Variants in ADAMTSL1 observed in about 807,000 individuals in gnomAD.
The protein encoded by ADAMTSL1 is ADAMTS-like protein 1.
ADAMTSL1 carries 126 observed loss-of-function variants against 201.8 expected under a neutral mutation model. The ratio of observed to expected loss-of-function variants is 0.62; its 90% CI spans 0.54 to 0.72. ADAMTSL1 has a LOEUF of 0.72. Ranked by LOEUF, ADAMTSL1 falls within the 30% of genes least tolerant of loss-of-function variation. The pLI is 0.00. For synonymous variants in ADAMTSL1, 1,121 were observed against 903.4 expected (o/e 1.24, Z -4.32); for missense variants, 2,679 against 2,277.8 (o/e 1.18, Z -3.59).
intron 26 of ADAMTSL1, among the ~76,000 whole-genome samples, chr9:18,897,569 G>A (rs546730824): frequency 2.6e-4 from 39 of 152,192 alleles, no homozygotes; most frequent in Non-Finnish European, 4.4e-4. Flanking sequence ...ATCCAGGTAA[G>A]GGGAAAACCT....
intron 26 of ADAMTSL1, among the ~76,000 whole-genome samples, chr9:18,904,159 T>C (rs1563906810): frequency 6.6e-6 from 1 of 152,100 alleles, no homozygotes. Context: ...GTATGCACAC[T>C]GTACTGCACA....
chr9:18,689,647 G>A (rs1831093277), intron 13 of ADAMTSL1, among the ~76,000 whole-genome samples: 1 of 152,216 alleles, frequency 6.6e-6, no homozygotes, highest in South Asian at 2.1e-4. Context: ...AGGGAAGCCA[G>A]GTTCTTCCAG....
intron 21 of ADAMTSL1, among the ~76,000 whole-genome samples, chr9:18,822,113 C>G (rs886913439): frequency 6.6e-6 from 1 of 152,052 alleles, no homozygotes; most frequent in Non-Finnish European, 1.5e-5. Flanking sequence ...ACAAATAATA[C>G]CAGGGAGGTT....
chr9:18,170,988 G>A (rs1020885254), intron 2 of ADAMTSL1, among the ~76,000 whole-genome samples: 1 of 152,084 alleles, frequency 6.6e-6, no homozygotes, highest in Non-Finnish European at 1.5e-5. Flanking sequence ...AATAAATGGA[G>A]AGATATAAAA....
At chr9:18,489,864 C>A (rs1034713388) in intron 1 of ADAMTSL1, among the ~76,000 whole-genome samples, 2 of 152,298 alleles carry the variant, frequency 1.3e-5, no homozygotes, top group East Asian at 3.9e-4. Context: ...ATGATGGTAA[C>A]CTGGCTTTGT....
In ADAMTSL1 at chr9:18,355,767, G is replaced by A. The variant is rs58028330; in HGVS notation, c.208-149062G>A. On this transcript the variant is annotated intron_variant, in intron 2 of 29. Transcript: ENST00000680146. ...CACATCTCTAATCCTAGCACTTTGG[G>A]AGGCCAAGGTGGGAGGACTGCTTGA... Among the ~76,000 whole-genome samples the A allele has an allele frequency of 7.9e-3, 1,198 of 152,272 alleles. 18 individuals are homozygous for A. The highest frequency in any genetic ancestry group is 0.027 in the African/African-American group (1,118 of 41,540).
chr9:18,738,785 T>A (rs996658530), intron 15 of ADAMTSL1, among the ~76,000 whole-genome samples: 1 of 152,172 alleles, frequency 6.6e-6, no homozygotes, highest in Non-Finnish European at 1.5e-5. Flanking sequence ...TACTCTAACT[T>A]GGGTATAGCA....
intron 1 of ADAMTSL1, among the ~76,000 whole-genome samples, chr9:17,939,268 A>G (rs1054955016): frequency 5.4e-5 from 8 of 146,850 alleles, no homozygotes; most frequent in Non-Finnish European, 1.5e-5. Context: ...GTGTTACCTA[A>G]CCTTGCAAAG....
intron 1 of ADAMTSL1, among the ~76,000 whole-genome samples, chr9:17,909,338 T>G (rs13287924): frequency 9.3e-5 from 13 of 139,676 alleles, no homozygotes; most frequent in African/African-American, 3.3e-4. Flanking sequence ...AGATCCCATT[T>G]GTCAATTTTG....
At chr9:18,195,780 T>A (rs996944543) in intron 2 of ADAMTSL1, among the ~76,000 whole-genome samples, 12 of 152,140 alleles carry the variant, frequency 7.9e-5, no homozygotes, top group Non-Finnish European at 2.9e-5. Flanking sequence ...AACTTGTTTA[T>A]CTCATGGCCC....
chr9:18,859,157 G>A (rs1356100343), intron 23 of ADAMTSL1, among the ~76,000 whole-genome samples: 2 of 152,192 alleles, frequency 1.3e-5, no homozygotes, highest in Non-Finnish European at 2.9e-5. Flanking sequence ...CTCTGTTACA[G>A]TTCTGGAGGT....
rs190747447 is a variant in ADAMTSL1, at chr9:18,342,163, C to T, written c.208-162666C>T. Among the ~76,000 whole-genome samples the T allele has an allele frequency of 3.4e-3, 523 of 152,204 alleles. 1 individual carries two copies. The highest frequency in any genetic ancestry group is 0.011 in the South Asian group (53 of 4,822). On this transcript the variant is annotated intron_variant, in intron 2 of 29. Coordinates refer to the ADAMTSL1 transcript ENST00000680146. The stretch of plus-strand genomic sequence containing the variant: ...AATTTTTCTTCTCCCAGTGTCTATA[C>T]GTGGGGCTAGTCCCTGATTCGTAGA...
intron 15 of ADAMTSL1, among the ~76,000 whole-genome samples, chr9:18,724,609 T>C (rs1384977433): frequency 1.3e-5 from 2 of 152,252 alleles, no homozygotes; most frequent in Admixed American, 1.3e-4. Flanking sequence ...TTAGAGTTCT[T>C]GCTATCAGCT....
chr9:17,940,811 C>CG lies in ADAMTSL1; in HGVS notation c.87+33889_87+33890insG, dbSNP rs1554667550. ...AATAAAAGTAAATAACACCCCCCCC[C>CG]CAAAAAAAAGAAAGAAATAACGACT... is the stretch of plus-strand genomic sequence containing the variant. On this transcript the variant is annotated intron_variant, in intron 1 of 29. Transcript: ENST00000680146. Among the ~76,000 whole-genome samples, 39 of 60,264 alleles carry CG rather than the reference C, an allele frequency of 6.5e-4. 2 individuals are homozygous for CG. The highest frequency in any genetic ancestry group is 1.5e-3 in the South Asian group (2 of 1,292). The allele number at this position is 60,264 out of a possible 152,430, so 39.5% of individuals were successfully genotyped here.
chr9:18,627,909 G>A (rs1826495512), intron 5 of ADAMTSL1, among the ~76,000 whole-genome samples: 1 of 152,170 alleles, frequency 6.6e-6, no homozygotes, highest in African/African-American at 2.4e-5. Context: ...CATAGTGTCA[G>A]TTCAAGTCTG....
At chr9:18,899,708 A>T (rs1227191356) in intron 26 of ADAMTSL1, among the ~76,000 whole-genome samples, 2 of 152,218 alleles carry the variant, frequency 1.3e-5, no homozygotes, top group Non-Finnish European at 2.9e-5. Flanking sequence ...CCTACTTAAT[A>T]GATGGTGCTT....
chr9:18,415,626 T>G (rs890021157), intron 2 of ADAMTSL1, among the ~76,000 whole-genome samples: 1 of 151,916 alleles, frequency 6.6e-6, no homozygotes, highest in Admixed American at 6.6e-5. Flanking sequence ...GAGAAAATAC[T>G]ATTTGAAGAA....
intron 1 of ADAMTSL1, among the ~76,000 whole-genome samples, chr9:18,061,051 C>CT: frequency 6.6e-6 from 1 of 152,278 alleles, no homozygotes; most frequent in Non-Finnish European, 1.5e-5. Flanking sequence ...GAGGGTTTTA[C>CT]TGTCCTTGTA....
chr9:18,556,385 G>A (rs1821110489), intron 3 of ADAMTSL1, among the ~76,000 whole-genome samples: 1 of 152,010 alleles, frequency 6.6e-6, no homozygotes, highest in Non-Finnish European at 1.5e-5. Flanking sequence ...GTTATTGAGA[G>A]TGATTAAGTG....
Sources: gnomAD v4.1 joint callset for allele counts (sites outside exome capture counted in the v4.1 genomes callset) on GRCh38, gnomAD v4.1.1 for gene constraint, MANE v1.5 for transcripts, NCBI Gene and HGNC (gene_info 2026-07-23, HGNC 2026-07-21) for gene names.